SNX29: variants seen among roughly 807,000 people sequenced by gnomAD.
SNX29 encodes sorting nexin-29.
A neutral mutation model predicts 102.1 loss-of-function variants in SNX29; 78 were observed. The ratio of observed to expected loss-of-function variants is 0.76; its 90% CI spans 0.64 to 0.92. SNX29 has a LOEUF of 0.92. SNX29 is among the 40% of genes least tolerant of loss of function. SNX29 has a pLI of 0.00. For missense variants in SNX29, 1,280 were observed against 1,061.7 expected (o/e 1.21, Z -2.86); for synonymous variants, 580 against 414.5 (o/e 1.40, Z -4.85).
intron 18 of SNX29, among the ~76,000 whole-genome samples, chr16:12,413,671 C>G (rs544061626): frequency 3.9e-4 from 59 of 152,306 alleles, no homozygotes; most frequent in Middle Eastern, 3.4e-3. Context: ...TTCATCCTCT[C>G]TCCTGTTGAG....
intron 19 of SNX29, among the ~76,000 whole-genome samples, chr16:12,481,513 GACACACACACACACACACACACACAC>G (rs59650769): frequency 2.4e-5 from 3 of 125,574 alleles, no homozygotes; most frequent in Admixed American, 7.4e-5. Context: ...TATACATATA[GACACACACACACACACACACACACAC>G]ACACACACAC....
At chr16:12,386,145 C>T (rs992859659) in intron 16 of SNX29, among the ~76,000 whole-genome samples, 2 of 152,224 alleles carry the variant, frequency 1.3e-5, no homozygotes, top group East Asian at 3.8e-4. Context: ...GAGCCAGCAC[C>T]TCCTGATCCA....
chr16:12,563,077 C>A (rs147827568), intron 20 of SNX29, among the ~76,000 whole-genome samples: 1 of 151,428 alleles, frequency 6.6e-6, no homozygotes, highest in African/African-American at 2.4e-5. Context: ...GAAGAGAAAT[C>A]CAGAATGTTA....
At chr16:12,302,751 C>T (rs2080219047) in intron 15 of SNX29, among the ~76,000 whole-genome samples, 1 of 152,200 alleles carries the variant, frequency 6.6e-6, no homozygotes, top group Non-Finnish European at 1.5e-5. Flanking sequence ...TTGGAAACTT[C>T]CTGCTAGGTA....
At position 12,039,558 on chromosome 16, in the gene SNX29, T is replaced by C. The variant is rs561336056; in HGVS notation, c.248-3339T>C. 5.9e-5 allele frequency among the ~76,000 whole-genome samples: 9 copies of C among 152,124 alleles called. No individual in the cohort carries two copies. The East Asian group carries it at 1.7e-3, about 29-fold the overall frequency. On this transcript the variant is annotated intron_variant, in intron 4 of 20. Transcript: ENST00000566228. ...AATTTAACTAGCCTGCCATGCAGTT[T>C]CTGGAGATGGGTGTACTTGCCTCCT...
intron 18 of SNX29, among the ~76,000 whole-genome samples, chr16:12,467,668 C>G (rs996400653): frequency 6.6e-6 from 1 of 152,206 alleles, no homozygotes; most frequent in Non-Finnish European, 1.5e-5. Context: ...TTCACTCATT[C>G]ATTCATTCAT....
chr16:12,518,155 G>A (rs1025723431), intron 19 of SNX29, among the ~76,000 whole-genome samples: 13 of 152,182 alleles, frequency 8.5e-5, no homozygotes, highest in African/African-American at 2.9e-4. Flanking sequence ...GCAGAGGGTC[G>A]TGATGGAGTT....
In SNX29 at chr16:12,538,158, C is replaced by G. The variant is rs184321766; in HGVS notation, c.2318+13317C>G. ...TGAGACGGAGTCTCACTCTGTCACC[C>G]AGAATAGAGTGCAGTGGTGTGATCT... On this transcript the variant is annotated intron_variant, in intron 20 of 20. Transcript: ENST00000566228. Among the ~76,000 whole-genome samples, 344 of 152,252 alleles carry G rather than the reference C, an allele frequency of 2.3e-3. 1 individual carries two copies. Among genetic ancestry groups the G allele is most frequent in the Non-Finnish European group, 3.8e-3 (260 of 68,014 alleles).
chr16:12,496,281 C>T (rs539442416), intron 19 of SNX29, among the ~76,000 whole-genome samples: 1 of 152,308 alleles, frequency 6.6e-6, no homozygotes, highest in East Asian at 1.9e-4. Context: ...CCACCCAAGT[C>T]AGGGGTTGTG....
At chr16:12,164,983 C>T (rs1005512716) in intron 13 of SNX29, among the ~76,000 whole-genome samples, 8 of 152,056 alleles carry the variant, frequency 5.3e-5, no homozygotes, top group Non-Finnish European at 1.2e-4. Flanking sequence ...CCACCGCACC[C>T]GGCCTTATTC....
intron 11 of SNX29, among the ~76,000 whole-genome samples, chr16:12,079,359 T>C (rs1253451890): frequency 6.6e-6 from 1 of 152,158 alleles, no homozygotes; most frequent in Admixed American, 6.5e-5. Flanking sequence ...ATTAGAGATA[T>C]AGCAAGGAAG....
At chr16:12,085,291 T>G (rs377298989) in intron 11 of SNX29, among the ~76,000 whole-genome samples, 20 of 152,108 alleles carry the variant, frequency 1.3e-4, no homozygotes, top group African/African-American at 4.3e-4. Context: ...AGAGTGGCAT[T>G]TGATTTGTTT....
intron 19 of SNX29, among the ~76,000 whole-genome samples, chr16:12,495,554 T>C (rs889994474): frequency 6.6e-6 from 1 of 152,260 alleles, no homozygotes; most frequent in Non-Finnish European, 1.5e-5. Flanking sequence ...TTTTGTTTTA[T>C]AGCATTAGCA....
At chr16:12,237,998 T>C (rs989501212) in intron 14 of SNX29, among the ~76,000 whole-genome samples, 2 of 152,144 alleles carry the variant, frequency 1.3e-5, no homozygotes, top group African/African-American at 4.8e-5. Context: ...CTGGCAGGCT[T>C]TTGTGACATG....
intron 16 of SNX29, among the ~76,000 whole-genome samples, chr16:12,358,330 C>G (rs1466304956): frequency 2.6e-5 from 4 of 152,140 alleles, no homozygotes; most frequent in African/African-American, 9.7e-5. Context: ...GCACTTTAGG[C>G]CTCAGAAGAA....
intron 14 of SNX29, among the ~76,000 whole-genome samples, chr16:12,207,843 G>A (rs915925448): frequency 6.6e-6 from 1 of 152,120 alleles, no homozygotes; most frequent in African/African-American, 2.4e-5. Flanking sequence ...GTTATTCTGT[G>A]GTCACGTCTT....
intron 15 of SNX29, among the ~76,000 whole-genome samples, chr16:12,282,763 C>G (rs901036503): frequency 6.6e-6 from 1 of 152,216 alleles, no homozygotes; most frequent in African/African-American, 2.4e-5. Flanking sequence ...TCAAGCGATT[C>G]TTCTGCCTCA....
rs988184260 is a variant in SNX29, at chr16:12,366,080, T to G, written c.1899+9801T>G. 1.6e-4 allele frequency among the ~76,000 whole-genome samples: 19 copies of G among 121,176 alleles called. No individual in the cohort carries two copies. The East Asian group carries it at 3.2e-3, about 20-fold the overall frequency. The allele number at this position is 121,176 out of a possible 152,430, so 79.5% of individuals were successfully genotyped here. Reference sequence around the variant, plus strand: ...AAAAAAAAAAAAAAAATCAGAACAATGATTGAGTGGGGGGTTTGCATAGTT... The same window carrying G: ...AAAAAAAAAAAAAAAATCAGAACAAGGATTGAGTGGGGGGTTTGCATAGTT... On this transcript the variant is annotated intron_variant, in intron 16 of 20. Coordinates refer to ENST00000566228, the MANE Select transcript of SNX29 (RefSeq NM_032167.5).
intron 20 of SNX29, among the ~76,000 whole-genome samples, chr16:12,554,146 C>T: frequency 6.6e-6 from 1 of 152,314 alleles, no homozygotes; most frequent in Admixed American, 6.5e-5. Context: ...TTGCTCTTTA[C>T]TGTGTTTAAG....
Sources: allele counts gnomAD v4.1 joint callset (sites outside exome capture counted in the v4.1 genomes callset), GRCh38; gene constraint gnomAD v4.1.1; transcripts MANE v1.5; gene names NCBI Gene and HGNC (gene_info 2026-07-23, HGNC 2026-07-21).